PIK3R1: variants seen among roughly 807,000 people sequenced by gnomAD.
PIK3R1 encodes the protein phosphatidylinositol 3-kinase regulatory subunit alpha.
PIK3R1 carries 29 observed loss-of-function variants against 98.0 expected under a neutral mutation model. The ratio of observed to expected loss-of-function variants is 0.30; its 90% confidence interval spans 0.22 to 0.40. PIK3R1 has a LOEUF of 0.40. PIK3R1 is among the 10% of genes least tolerant of loss of function. The pLI is 1.00. For synonymous variants in PIK3R1, 282 were observed against 311.8 expected (o/e 0.90, Z 1.01); for missense variants, 596 against 872.7 (o/e 0.68, Z 3.99).
intron 2 of PIK3R1, among the ~76,000 whole-genome samples, chr5:68,241,225 A>C (rs1304129258): frequency 6.6e-6 from 1 of 152,146 alleles, no homozygotes; most frequent in Non-Finnish European, 1.5e-5. Flanking sequence ...AGAGGAAAAA[A>C]AATCTTTTGT....
intron 2 of PIK3R1, 24 bp from the exon 3 acceptor site, chr5:68,273,366 A>G (rs780848979): frequency 1.9e-6 from 3 of 1,601,204 alleles, no homozygotes; most frequent in Non-Finnish European, 2.6e-6. Context: ...ATTAAATACA[A>G]TGGTGGGATT....
At chr5:68,257,551 T>C (rs1395891234) in intron 2 of PIK3R1, among the ~76,000 whole-genome samples, 5 of 152,254 alleles carry the variant, frequency 3.3e-5, no homozygotes, top group Non-Finnish European at 7.3e-5. Context: ...TTTATTATGT[T>C]CTGCTAATAC....
intron 2 of PIK3R1, among the ~76,000 whole-genome samples, chr5:68,253,443 G>C (rs140998161): frequency 2.0e-5 from 3 of 152,138 alleles, no homozygotes; most frequent in Non-Finnish European, 2.9e-5. Context: ...GAAGAAACTG[G>C]GTTTGTGAGT....
intron 7 of PIK3R1, among the ~76,000 whole-genome samples, chr5:68,283,573 T>C (rs541992136): frequency 4.1e-4 from 62 of 152,348 alleles, no homozygotes; most frequent in African/African-American, 1.4e-3. Flanking sequence ...TAAAGACTTA[T>C]TCAAAATAAA....
chr5:68,275,740 G>T (rs915106608), intron 4 of PIK3R1, among the ~76,000 whole-genome samples: 2 of 152,066 alleles, frequency 1.3e-5, no homozygotes, highest in African/African-American at 4.8e-5. Context: ...GAGTGGATCT[G>T]CCAGATCTGT....
chr5:68,272,680 C>A (rs1175349087), intron 2 of PIK3R1, among the ~76,000 whole-genome samples: 2 of 151,956 alleles, frequency 1.3e-5, no homozygotes, highest in South Asian at 4.1e-4. Context: ...TACGAAAACA[C>A]CACATTTTAA....
intron 2 of PIK3R1, among the ~76,000 whole-genome samples, chr5:68,247,822 C>T (rs1019306498): frequency 2.6e-5 from 4 of 152,180 alleles, no homozygotes; most frequent in South Asian, 4.1e-4. Context: ...CCAGTGGTGA[C>T]GTTGGCCTTT....
intron 8 of PIK3R1, chr5:68,292,848 G>T: frequency 1.2e-6 from 1 of 835,984 alleles, no homozygotes. Context: ...AAAGTGATAT[G>T]CACCTGTTTG....
chr5:68,247,045 G>T (rs556831434), intron 2 of PIK3R1, among the ~76,000 whole-genome samples: 3 of 152,316 alleles, frequency 2.0e-5, no homozygotes, highest in Admixed American at 2.0e-4. Context: ...GGTGTTTGCC[G>T]TTCTCACAGG....
At chr5:68,283,139 A>G (rs985495701) in intron 7 of PIK3R1, among the ~76,000 whole-genome samples, 1 of 152,228 alleles carries the variant, frequency 6.6e-6, no homozygotes, top group African/African-American at 2.4e-5. Context: ...CTAGTACCAG[A>G]CAGAACTTTG....
chr5:68,267,521 G>A (rs892270811), intron 2 of PIK3R1, among the ~76,000 whole-genome samples: 6 of 152,052 alleles, frequency 3.9e-5, no homozygotes, highest in Admixed American at 6.6e-5. Context: ...TAAATCTGTC[G>A]GCAACTCTTT....
intron 2 of PIK3R1, among the ~76,000 whole-genome samples, chr5:68,244,798 T>C (rs887945767): frequency 6.6e-6 from 1 of 152,186 alleles, no homozygotes; most frequent in Non-Finnish European, 1.5e-5. Flanking sequence ...TCTGTGGGAC[T>C]AGATGTTAAG....
chr5:68,294,479 C>T (rs1303438853), intron 11 of PIK3R1, 57 bp from the exon 12 acceptor site: 3 of 1,327,660 alleles, frequency 2.3e-6, no homozygotes, highest in African/African-American at 2.9e-5. Context: ...TAGTGTCTTG[C>T]AGTAAGAGAT....
chr5:68,239,826 A>AT, intron 2 of PIK3R1: 1 of 505,526 alleles, frequency 2.0e-6, no homozygotes, highest in South Asian at 1.6e-5. Context: ...AAACAAGCAG[A>AT]TTTTTCCTCT....
chr5:68,246,179 C>G (rs1173097339), intron 2 of PIK3R1, among the ~76,000 whole-genome samples: 1 of 152,142 alleles, frequency 6.6e-6, no homozygotes, highest in African/African-American at 2.4e-5. Context: ...GTGAGCCATT[C>G]CAAAGTCTTT....
chr5:68,283,767 C>T (rs757726598), intron 7 of PIK3R1, among the ~76,000 whole-genome samples: 10 of 152,330 alleles, frequency 6.6e-5, no homozygotes, highest in Middle Eastern at 3.4e-3. Flanking sequence ...TGGGCCCAAA[C>T]CGGGTCTGCC....
rs1167882096 is a variant in PIK3R1 at position 68,262,856 on chromosome 5, G to GATACATGT, written c.335-10524_335-10517dup. ...ACATGTATACATGTAGATACATGTA[G>GATACATGT]ATACATGTATACATGTAGATACATG... On this transcript the variant is annotated intron_variant, in intron 2 of 15. Transcript: ENST00000521381. 2.2e-4 allele frequency among the ~76,000 whole-genome samples: 7 copies of GATACATGT among 31,930 alleles called. 1 individual carries two copies. The highest frequency in any genetic ancestry group is 1.8e-3 in the South Asian group (2 of 1,108). 20.9% of individuals were successfully genotyped at this position (31,930 alleles called of 152,430 possible).
intron 4 of PIK3R1, among the ~76,000 whole-genome samples, chr5:68,276,714 CATAAG>C (rs1314223922): frequency 1.3e-5 from 2 of 152,180 alleles, no homozygotes; most frequent in Non-Finnish European, 1.5e-5. Context: ...TAGAATTTGA[CATAAG>C]GTAAGGTTAC....
At chr5:68,254,018 C>T (rs1410607059) in intron 2 of PIK3R1, among the ~76,000 whole-genome samples, 1 of 144,712 alleles carries the variant, frequency 6.9e-6, no homozygotes, top group African/African-American at 2.6e-5. Context: ...ATAACCTTTC[C>T]AGAATCTTGA....
Sources: gnomAD v4.1 joint callset for allele counts (sites outside exome capture counted in the v4.1 genomes callset) on GRCh38, gnomAD v4.1.1 for gene constraint, MANE v1.5 for transcripts, NCBI Gene and HGNC (gene_info 2026-07-23, HGNC 2026-07-21) for gene names.